Variants in RPN1 observed in about 807,000 individuals in gnomAD.
RPN1 encodes dolichyl-diphosphooligosaccharide--protein glycosyltransferase subunit 1.
In RPN1, 12 loss-of-function variants were observed where a neutral mutation model predicts 55.5. The observed-to-expected ratio is 0.22, with a 90% CI of 0.14 to 0.35. RPN1 has a LOEUF of 0.35. Ranked by LOEUF, RPN1 falls within the 10% of genes least tolerant of loss-of-function variation. RPN1 has a pLI of 1.00. For missense variants in RPN1, 679 were observed against 761.3 expected (o/e 0.89, Z 1.27); for synonymous variants, 317 against 305.9 (o/e 1.04, Z -0.38).
At chr3:128,644,686 C>T in intron 2 of RPN1, 1 of 648,008 alleles carries the variant, frequency 1.5e-6, no homozygotes, top group African/African-American at 1.8e-5. Flanking sequence ...AGGACAGATG[C>T]AGTGGTTCAC....
intron 1 of RPN1, among the ~76,000 whole-genome samples, chr3:128,647,810 T>C (rs1003712044): frequency 1.3e-5 from 2 of 152,084 alleles, no homozygotes; most frequent in Non-Finnish European, 2.9e-5. Context: ...AATAAAATAT[T>C]AGCATGCCAA....
chr3:128,646,744 G>A (rs2069771568), intron 1 of RPN1, among the ~76,000 whole-genome samples: 1 of 151,548 alleles, frequency 6.6e-6, no homozygotes. Context: ...AGCATTTTGA[G>A]AGGCCAATCA....
intron 4 of RPN1, 75 bp from the exon 5 acceptor site, chr3:128,630,218 T>G (rs1218359522): frequency 2.1e-6 from 2 of 950,856 alleles, no homozygotes; most frequent in Non-Finnish European, 3.2e-6. Context: ...CACAGAAGAC[T>G]TCCTGCACCA....
At chr3:128,626,112 A>C in intron 6 of RPN1, 100 bp from the exon 7 acceptor site, 1 of 1,178,116 alleles carries the variant, frequency 8.5e-7, no homozygotes, top group Non-Finnish European at 1.2e-6. Flanking sequence ...TTTCAAGATC[A>C]CTAAATTCAC....
chr3:128,625,048 G>A (rs2107713623), intron 8 of RPN1, among the ~76,000 whole-genome samples: 1 of 152,270 alleles, frequency 6.6e-6, no homozygotes. Context: ...ATGACCTGAG[G>A]ATAACAGCAG....
At chr3:128,641,679 G>T (rs73196903) in intron 2 of RPN1, among the ~76,000 whole-genome samples, 16 of 143,642 alleles carry the variant, frequency 1.1e-4, no homozygotes, top group African/African-American at 4.2e-4. Flanking sequence ...GCATAATCTC[G>T]GCTCACCGGA....
chr3:128,626,604 T>C (rs1008032975), intron 6 of RPN1, 129 bp downstream of exon 6: 2 of 747,638 alleles, frequency 2.7e-6, no homozygotes, highest in African/African-American at 3.5e-5. Context: ...AAGTAGATGT[T>C]CCCTGATAAA....
At chr3:128,635,749 G>A (rs1456948395) in intron 3 of RPN1, among the ~76,000 whole-genome samples, 2 of 146,346 alleles carry the variant, frequency 1.4e-5, no homozygotes, top group African/African-American at 5.1e-5. Context: ...GGTACACCTG[G>A]CCTTATATAT....
At chr3:128,626,986 A>T in intron 5 of RPN1, 154 bp from the exon 6 acceptor site, 1 of 650,960 alleles carries the variant, frequency 1.5e-6, no homozygotes, top group Non-Finnish European at 2.7e-6. Flanking sequence ...GCAACAAAGT[A>T]TCTCTACTGA....
At chr3:128,637,360 T>C (rs1210380630) in intron 3 of RPN1, among the ~76,000 whole-genome samples, 1 of 152,226 alleles carries the variant, frequency 6.6e-6, no homozygotes, top group South Asian at 2.1e-4. Context: ...CTTTGTACTT[T>C]GGCATGTTTG....
Position 128,632,070 on chromosome 3 carries a change from T to A in RPN1, c.721A>T (p.Asn241Tyr). ...TRVIEVSHWG[N>Y]IAVEENVDLK... The stretch of plus-strand genomic sequence containing the variant: ...TCCACATTTTCTTCCACAGCAATAT[T>A]ACCCCAGTGAGAGACTTCAATGACT... Residue 241 changes from asparagine (N) to tyrosine (Y), a missense_variant, in exon 4 of 10, where the codon AAT (asparagine) becomes TAT (tyrosine). By Grantham distance (143) the Asn-to-Tyr change is moderately radical (BLOSUM62 -2). This residue lies in a region of RPN1 where 352 missense variants were observed against 352.8 expected (regional missense o/e 1.00). Transcript: ENST00000296255. 1 of 1,614,186 alleles carries A rather than the reference T, an allele frequency of 6.2e-7. No individual in the cohort carries two copies. Among genetic ancestry groups the A allele is most frequent in the South Asian group, 1.1e-5 (1 of 91,082 alleles).
intron 8 of RPN1, among the ~76,000 whole-genome samples, chr3:128,624,887 C>T (rs966681413): frequency 1.3e-5 from 2 of 152,140 alleles, no homozygotes; most frequent in Non-Finnish European, 2.9e-5. Context: ...TCCTCAAGCA[C>T]CAGCTGTGCT....
chr3:128,646,545 G>C (rs2069770023), intron 1 of RPN1, among the ~76,000 whole-genome samples: 1 of 151,972 alleles, frequency 6.6e-6, no homozygotes. Flanking sequence ...CAATTAGCTG[G>C]GCGTGGTGGC....
At chr3:128,629,860 C>A in intron 5 of RPN1, 91 bp downstream of exon 5, 2 of 695,572 alleles carry the variant, frequency 2.9e-6, no homozygotes, top group Non-Finnish European at 2.4e-6. Context: ...GACAAATGAA[C>A]ACACCCCATC....
rs539436003 is a variant in RPN1, at chr3:128,629,961, G to C, written c.1026C>G (p.Leu342=). 6.3e-7 allele frequency: 1 copy of C among 1,597,334 alleles called. No homozygotes were observed. Among genetic ancestry groups the C allele is most frequent in the Admixed American group, 1.7e-5 (1 of 59,188 alleles). Residue 342 remains leucine (L), a synonymous_variant, in exon 5 of 10, where the codon CTC becomes CTG. Transcript: ENST00000296255. ...VGYNLPSYEY[L]YNLGDQYALK... ...CTATTGAAGACTGACCCAAATTATA[G>C]AGGTACTCATAGCTTGGGAGGTTGT...
At chr3:128,642,078 G>A (rs997336876) in intron 2 of RPN1, among the ~76,000 whole-genome samples, 1 of 152,152 alleles carries the variant, frequency 6.6e-6, no homozygotes. Flanking sequence ...TATCCAAGAC[G>A]CTACAAGCCA....
At chr3:128,633,591 A>G (rs1051693323) in intron 3 of RPN1, among the ~76,000 whole-genome samples, 4 of 152,182 alleles carry the variant, frequency 2.6e-5, no homozygotes, top group African/African-American at 7.2e-5. Flanking sequence ...ACAAAAATTC[A>G]TAACTTTTGT....
intron 3 of RPN1, among the ~76,000 whole-genome samples, chr3:128,636,501 A>C (rs1342647384): frequency 6.6e-6 from 1 of 150,850 alleles, no homozygotes; most frequent in Non-Finnish European, 1.5e-5. Context: ...AAAAAAAAGA[A>C]ACAATTATTT....
chr3:128,620,876 T>C (rs2069553664), intron 9 of RPN1, among the ~76,000 whole-genome samples: 1 of 152,214 alleles, frequency 6.6e-6, no homozygotes, highest in South Asian at 2.1e-4. Context: ...GAGGACTGAG[T>C]ATGAAACTAC....
Sources: allele counts gnomAD v4.1 joint callset (sites outside exome capture counted in the v4.1 genomes callset), GRCh38; gene constraint gnomAD v4.1.1; regional missense constraint gnomAD v4.1.1; transcripts MANE v1.5; gene names NCBI Gene and HGNC (gene_info 2026-07-23, HGNC 2026-07-21).